DSPP: variants seen among roughly 807,000 people sequenced by gnomAD.
DSPP encodes deafness, autosomal dominant 39.
A neutral mutation model predicts 29.1 loss-of-function variants in DSPP; 28 were observed. The ratio of observed to expected loss-of-function variants is 0.96; its 90% CI spans 0.71 to 1.32. The LOEUF is 1.32. Ranked by LOEUF, DSPP falls within the 40% of genes most tolerant of loss-of-function variation. The pLI is 0.00. For synonymous variants in DSPP, 481 were observed against 503.4 expected (o/e 0.96, Z 0.60); for missense variants, 1,281 against 1,629.9 (o/e 0.79, Z 3.69).
rs1727882330 is a variant in DSPP, at chr4:87,615,710, T to TGACAGCAGTGATAGCAGC, written c.3048_3049insGACAGCAGTGATAGCAGC (p.Asp1011_Ser1016dup). On this transcript the variant is annotated inframe_insertion, in exon 5 of 5. Transcript: ENST00000651931. The stretch of plus-strand genomic sequence containing the variant: ...ACAGCAGTGACAGCAGTGATAGCAG[T>TGACAGCAGTGATAGCAGC]AATAGTAGTGACAGCAGCAATAGCA... 6.7e-7 allele frequency: 1 copy of TGACAGCAGTGATAGCAGC among 1,489,130 alleles called. No individual in the cohort carries two copies. Among genetic ancestry groups the TGACAGCAGTGATAGCAGC allele is most frequent in the African/African-American group, 1.6e-5 (1 of 62,038 alleles). The allele number at this position is 1,489,130 out of a possible 1,614,324, so 92.2% of individuals were successfully genotyped here.
rs527711624 is a variant in DSPP, at chr4:87,613,863, G to T, written c.1201G>T (p.Asp401Tyr). Residue 401 changes from aspartate (D) to tyrosine (Y), a missense_variant, in exon 5 of 5, where the codon GAT becomes TAT. By Grantham distance (160) the Asp-to-Tyr change is radical. Around this residue, in one of 4 missense-constraint regions of DSPP, gnomAD observed 631 missense variants for 643.2 expected, o/e 0.98. Coordinates refer to ENST00000651931, the MANE Select transcript of DSPP (RefSeq NM_014208.3). The part of the protein sequence containing the change: ...EVGKGNEGKE[D>Y]KGQHGMILGK... The stretch of plus-strand genomic sequence containing the variant: ...TGGGAAAGGCAACGAAGGTAAAGAG[G>T]ATAAAGGACAACATGGAATGATCTT... 3 of 1,614,170 alleles carry T rather than the reference G, an allele frequency of 1.9e-6. No homozygotes were observed. In the South Asian group the frequency reaches 3.3e-5, roughly 18 times the overall value.
intron 3 of DSPP, 25 bp from the exon 4 acceptor site, chr4:87,612,297 A>C: frequency 1.2e-6 from 2 of 1,613,542 alleles, no homozygotes; most frequent in Non-Finnish European, 8.5e-7. Context: ...GATACTTATA[A>C]TTGATTGAAT....
Position 87,612,767 on chromosome 4 carries a change from A to G in DSPP, c.581A>G (p.Asp194Gly). 6.2e-7 allele frequency: 1 copy of G among 1,614,222 alleles called. No individual in the cohort carries two copies. The highest frequency in any genetic ancestry group is 1.3e-5 in the African/African-American group (1 of 75,066). ...GTAGCTGGAAGCAATAACAGTACAG[A>G]CAATGAGGATGAAATAATTGAGAAT... ...PQVAGSNNST[D>G]NEDEIIENSC... Residue 194 changes from aspartate to glycine, a missense_variant, in exon 4 of 5, where the codon GAC becomes GGC. Asp to Gly is a moderately conservative substitution (Grantham distance 94, BLOSUM62 -1). Around this residue, in one of 4 missense-constraint regions of DSPP, gnomAD observed 631 missense variants for 643.2 expected, o/e 0.98. Coordinates refer to ENST00000651931, the MANE Select transcript of DSPP (RefSeq NM_014208.3).
rs1216812795 is a variant in DSPP at position 87,612,594 on chromosome 4, C to T, written c.408C>T (p.Ile136=). ...AAGAAAACATCACAGCAAATGGCAT[C>T]CAGGGACAAGTAAGCATCATTGACA... ...GKEENITANG[I]QGQVSIIDNA... Residue 136 remains isoleucine, a synonymous_variant, in exon 4 of 5, where the codon ATC becomes ATT. Coordinates refer to ENST00000651931, the MANE Select transcript of DSPP (RefSeq NM_014208.3). 1 of 1,614,006 alleles carries T rather than the reference C, an allele frequency of 6.2e-7. No individual in the cohort carries two copies. The highest frequency in any genetic ancestry group is 1.7e-5 in the Admixed American group (1 of 60,016).
intron 1 of DSPP, 56 bp from the exon 2 acceptor site, chr4:87,610,825 A>G (rs1387873463): frequency 5.2e-6 from 6 of 1,145,476 alleles, no homozygotes; most frequent in South Asian, 5.0e-5. Flanking sequence ...ATAATATAGT[A>G]CTATGATTTT....
intron 4 of DSPP, 109 bp downstream of exon 4, chr4:87,613,417 C>A: frequency 2.2e-6 from 3 of 1,335,488 alleles, no homozygotes; most frequent in East Asian, 2.4e-5. Context: ...ATTTTTGTAT[C>A]CATATTACTT....
Position 87,613,867 on chromosome 4 carries a change from AAGGAC to A in DSPP, c.1207_1211del (p.Gly403ThrfsTer31). The A allele has an allele frequency of 1.2e-6, 2 of 1,614,232 alleles. No individual in the cohort carries two copies. Among genetic ancestry groups the A allele is most frequent in the Non-Finnish European group, 1.7e-6 (2 of 1,180,040 alleles). ...AAAGGCAACGAAGGTAAAGAGGATA[AAGGAC>A]AACATGGAATGATCTTGGGCAAAGG... On this transcript the variant is annotated frameshift_variant, in exon 5 of 5. Coordinates refer to ENST00000651931, the MANE Select transcript of DSPP (RefSeq NM_014208.3). LOFTEE classifies it low-confidence loss of function (END_TRUNC).
Position 87,614,401 on chromosome 4 carries a change from G to A in DSPP, c.1739G>A (p.Ser580Asn), listed in dbSNP as rs1191234941. 1 of 1,563,998 alleles carries A rather than the reference G, an allele frequency of 6.4e-7. No homozygotes were observed. Among genetic ancestry groups the A allele is most frequent in the South Asian group, 1.2e-5 (1 of 85,364 alleles). The change falls in exon 5 of 5, where the codon AGT becomes AAT. Residue 580 changes from serine to asparagine, a missense_variant. Coordinates refer to ENST00000651931, the MANE Select transcript of DSPP (RefSeq NM_014208.3). The stretch of plus-strand genomic sequence containing the variant: ...AGTGATAGCAACAGTAGCAGTGATA[G>A]TGACAGCAGTGACAGTGACAGCAGT... ...DSSDSNSSSD[S>N]DSSDSDSSDS...
Position 87,614,046 on chromosome 4 carries a change from G to A in DSPP, c.1384G>A (p.Gly462Arg), listed in dbSNP as rs1727798226. The A allele has an allele frequency of 6.2e-7, 1 of 1,614,126 alleles. No homozygotes were observed. Among genetic ancestry groups the A allele is most frequent in the Non-Finnish European group, 8.5e-7 (1 of 1,180,046 alleles). The change falls in exon 5 of 5, where the codon GGA (glycine) becomes AGA (arginine). Residue 462 changes from glycine to arginine, a missense_variant. This residue lies in a region of DSPP where 631 missense variants were observed against 643.2 expected (regional missense o/e 0.98). Transcript: ENST00000651931. ...SYDFDDKSMQ[G>R]DDPNSSDESN... ...TGATTTTGATGATAAGTCCATGCAAGGAGATGATCCCAATAGCAGTGATGA... is the reference window on the plus strand; with the variant it reads ...TGATTTTGATGATAAGTCCATGCAAAGAGATGATCCCAATAGCAGTGATGA...
Position 87,615,287 on chromosome 4 carries a change from CAGCAGTGACAGCAGTGAT to C in DSPP, c.2639_2656del (p.Ser880_Ser885del), listed in dbSNP as rs1560479310. ...GCAGCGATAGCAGTGACAGCAGCAA[CAGCAGTGACAGCAGTGAT>C]AGCAGTGACAGCAACGAAAGCAGCA... On this transcript the variant is annotated inframe_deletion, in exon 5 of 5. Transcript: ENST00000651931. 5 of 1,485,422 alleles carry C rather than the reference CAGCAGTGACAGCAGTGAT, an allele frequency of 3.4e-6. No individual in the cohort carries two copies. The South Asian group carries it at 3.8e-5, about 11-fold the overall frequency. The allele number at this position is 1,485,422 out of a possible 1,614,324, so 92.0% of individuals were successfully genotyped here.
intron 2 of DSPP, 122 bp from the exon 3 acceptor site, chr4:87,611,983 C>A: frequency 3.6e-6 from 4 of 1,109,296 alleles, no homozygotes; most frequent in South Asian, 1.3e-5. Flanking sequence ...TTGTGTTAAA[C>A]CTTTCTTCTT....
chr4:87,613,409 T>G (rs1297565495), intron 4 of DSPP, 101 bp downstream of exon 4: 1 of 1,410,214 alleles, frequency 7.1e-7, no homozygotes, highest in East Asian at 2.4e-5. Context: ...ATCCATGTAT[T>G]TTTGTATCCA....
Position 87,608,592 on chromosome 4 carries a change from T to C in DSPP, c.-57T>C, listed in dbSNP as rs1727679067. On this transcript the variant is annotated 5_prime_UTR_variant, in exon 1 of 5. Transcript: ENST00000651931. ...AAAGAGAAAGATAAGAAATTCTGGA[T>C]TTTCAAAATCCTTTTGAAGCCTTTT... is the stretch of plus-strand genomic sequence containing the variant. 2 of 152,232 alleles carry C rather than the reference T, an allele frequency of 1.3e-5. No homozygotes were observed. The highest frequency in any genetic ancestry group is 4.1e-4 in the South Asian group (2 of 4,834). 9.4% of individuals were successfully genotyped at this position (152,232 alleles called of 1,614,324 possible).
chr4:87,610,065 C>T (rs1483187490), intron 1 of DSPP, among the ~76,000 whole-genome samples: 1 of 152,218 alleles, frequency 6.6e-6, no homozygotes, highest in African/African-American at 2.4e-5. Flanking sequence ...TTTTTCTGTG[C>T]TTTGCATTGG....
Position 87,609,554 on chromosome 4 carries a change from T to C in DSPP, c.-29+934T>C, listed in dbSNP as rs1727697549. Among the ~76,000 whole-genome samples, 2 of 152,238 alleles carry C rather than the reference T, an allele frequency of 1.3e-5. 1 individual carries two copies. Among genetic ancestry groups the C allele is most frequent in the South Asian group, 4.1e-4 (2 of 4,828 alleles). ...GGCATTTCAGAAGGAGCTCTAGCTG[T>C]TCTTGGCTTTCTGTTGAACAGCTAT... is the stretch of plus-strand genomic sequence containing the variant. On this transcript the variant is annotated intron_variant, in intron 1 of 4. Transcript: ENST00000651931.
In DSPP at chr4:87,616,683, C is replaced by A; in HGVS notation, c.*115C>A. The A allele has an allele frequency of 9.3e-5, 134 of 1,435,154 alleles. No homozygotes were observed. Among genetic ancestry groups the A allele is most frequent in the Non-Finnish European group, 1.1e-4 (116 of 1,056,514 alleles). 88.9% of individuals were successfully genotyped at this position (1,435,154 alleles called of 1,614,324 possible). A position where few individuals can be genotyped will look rare whatever the true frequency, so the allele number is the denominator to read the frequency against. On this transcript the variant is annotated 3_prime_UTR_variant, in exon 5 of 5. Coordinates refer to ENST00000651931, the MANE Select transcript of DSPP (RefSeq NM_014208.3). ...GAAATAAACATAAGACGTATGTAAA[C>A]AAAAACAACTGGGGGAATCAAATCA...
At position 87,616,388 on chromosome 4, in the gene DSPP, T is replaced by C. The variant is rs879235968; in HGVS notation, c.3726T>C (p.Asp1242=). 126 of 1,507,638 alleles carry C rather than the reference T, an allele frequency of 8.4e-5. 1 individual carries two copies. The highest frequency in any genetic ancestry group is 5.1e-4 in the Middle Eastern group (3 of 5,864). The allele number at this position is 1,507,638 out of a possible 1,614,324, so 93.4% of individuals were successfully genotyped here. ...GCAGCGACAGCAGTGACAGCAGCGA[T>C]AGCAGTGACAGCAGCAACAGCAGTG... is the stretch of plus-strand genomic sequence containing the variant. ...NESSDSSDSS[D]SSDSSNSSDS... is the part of the protein sequence containing the mutation. Residue 1242 remains aspartate, a synonymous_variant, in exon 5 of 5, where the codon GAT becomes GAC. Coordinates refer to ENST00000651931, the MANE Select transcript of DSPP (RefSeq NM_014208.3).
chr4:87,614,321 T>C lies in DSPP; in HGVS notation c.1659T>C (p.Asp553=), dbSNP rs746728988. The C allele has an allele frequency of 2.4e-5, 39 of 1,611,910 alleles. No homozygotes were observed. In the East Asian group the frequency reaches 6.9e-4, roughly 29 times the overall value. Residue 553 remains aspartate, a synonymous_variant, in exon 5 of 5, where the codon GAT becomes GAC. Transcript: ENST00000651931. ...GTAAATCAGATAGCAGTGACAGTGA[T>C]AGTAGTGATAGCAGCAATAGCAGTG... The part of the protein sequence containing the change: ...GKGKSDSSDS[D]SSDSSNSSDS...
In DSPP at chr4:87,612,607, A is replaced by G; in HGVS notation, c.421A>G (p.Ser141Gly). 1 of 1,614,148 alleles carries G rather than the reference A, an allele frequency of 6.2e-7. No individual in the cohort carries two copies. The highest frequency in any genetic ancestry group is 8.5e-7 in the Non-Finnish European group (1 of 1,180,008). Reference protein sequence around the residue: ...ITANGIQGQVSIIDNAGATNR... With the variant: ...ITANGIQGQVGIIDNAGATNR... ...AGCAAATGGCATCCAGGGACAAGTA[A>G]GCATCATTGACAATGCTGGAGCCAC... The change falls in exon 4 of 5, where the codon AGC (serine) becomes GGC (glycine). Residue 141 changes from serine (S) to glycine (G), a missense_variant. By Grantham distance (56) the Ser-to-Gly change is moderately conservative (BLOSUM62 0). Coordinates refer to ENST00000651931, the MANE Select transcript of DSPP (RefSeq NM_014208.3).
Sources: gnomAD v4.1 joint callset for allele counts (sites outside exome capture counted in the v4.1 genomes callset) on GRCh38, gnomAD v4.1.1 for gene constraint, gnomAD v4.1.1 regional missense constraint, MANE v1.5 for transcripts, NCBI Gene and HGNC (gene_info 2026-07-23, HGNC 2026-07-21) for gene names.